ARFGAP2: variants seen among roughly 807,000 people sequenced by gnomAD.
ARFGAP2 encodes the protein ADP-ribosylation factor GTPase-activating protein 2.
Under a neutral mutation model 71.9 loss-of-function variants are expected in ARFGAP2, and 45 were observed. That is an observed-to-expected ratio of 0.63 (90% confidence interval 0.49 to 0.80). The LOEUF (loss-of-function observed/expected upper bound fraction) is 0.80. Among genes scored for constraint, ARFGAP2 ranks in the 30% least tolerant of loss-of-function variants. The pLI, the probability that ARFGAP2 is intolerant of heterozygous loss-of-function variation, is 0.00. For missense variants in ARFGAP2, 633 were observed against 673.9 expected (o/e 0.94, Z 0.67); for synonymous variants, 248 against 249.2 (o/e 1.00, Z 0.05).
chr11:47,172,209 G>A, intron 8 of ARFGAP2, 72 bp downstream of exon 8: 2 of 1,465,714 alleles, frequency 1.4e-6, no homozygotes, highest in Admixed American at 1.7e-5. Context: ...TAAGTGGTAA[G>A]GTCAAGGAGT....
chr11:47,173,005 T>A, intron 7 of ARFGAP2: 1 of 354,838 alleles, frequency 2.8e-6, no homozygotes, highest in Non-Finnish European at 5.5e-6. Flanking sequence ...AGGAAAGAGT[T>A]AAAGGACAGG....
rs779643092 is a variant in ARFGAP2, at chr11:47,175,267, G to A, written c.311C>T (p.Thr104Ile). The A allele has an allele frequency of 9.3e-6, 15 of 1,614,120 alleles. No individual in the cohort carries two copies. The highest frequency in any genetic ancestry group is 3.3e-5 in the Admixed American group (2 of 60,014). ...CTGGGCAGCTCGGCTATTATATTTG[G>A]TGTTGGCATCATTGGCTGTGCATCC... ...QHGCTANDANTKYNSRAAQMY... is the reference protein window; with the variant it reads ...QHGCTANDANIKYNSRAAQMY... The change falls in exon 4 of 16, where the codon ACC (threonine) becomes ATC (isoleucine). Residue 104 changes from threonine (T) to isoleucine (I), a missense_variant. Transcript: ENST00000524782.
Position 47,166,378 on chromosome 11 carries a change from A to AT in ARFGAP2, c.1434dup (p.Ser479IlefsTer15), listed in dbSNP as rs1713100309. On this transcript the variant is annotated frameshift_variant, in exon 15 of 16. Coordinates refer to ENST00000524782, the MANE Select transcript of ARFGAP2 (RefSeq NM_032389.6). LOFTEE classifies it high-confidence loss of function. ...GCTGTAGGCAGCACGTTCCCCAGAG[A>AT]TACACTTCCTGTAAAACAAGAGCAG... 2 of 1,614,030 alleles carry AT rather than the reference A, an allele frequency of 1.2e-6. No individual in the cohort carries two copies. Among genetic ancestry groups the AT allele is most frequent in the Non-Finnish European group, 8.5e-7 (1 of 1,179,924 alleles).
At chr11:47,175,487 C>A in intron 3 of ARFGAP2, 174 bp from the exon 4 acceptor site, 1 of 1,016,468 alleles carries the variant, frequency 9.8e-7, no homozygotes, top group Non-Finnish European at 1.5e-6. Flanking sequence ...GCAAAAAACA[C>A]CTTGCAGCGG....
Position 47,171,484 on chromosome 11 carries a change from G to T in ARFGAP2, c.883C>A (p.Leu295Met), listed in dbSNP as rs913530036. 6.2e-7 allele frequency: 1 copy of T among 1,614,080 alleles called. No homozygotes were observed. Among genetic ancestry groups the T allele is most frequent in the Non-Finnish European group, 8.5e-7 (1 of 1,180,052 alleles). ...GCCTGCTCTCGCTTCTTCCCTTCCAGATTCTGTAGCTTCTTTTCCTCTTTC... is the reference window on the plus strand; with the variant it reads ...GCCTGCTCTCGCTTCTTCCCTTCCATATTCTGTAGCTTCTTTTCCTCTTTC... ...RKKEEKKLQN[L>M]EGKKREQAER... The change falls in exon 10 of 16, where the codon CTG becomes ATG. Residue 295 changes from leucine (L) to methionine (M), a missense_variant. Physicochemically the swap from Leu to Met is conservative, Grantham distance 15. Coordinates refer to ENST00000524782, the MANE Select transcript of ARFGAP2 (RefSeq NM_032389.6).
At chr11:47,175,523 C>T in intron 3 of ARFGAP2, 2 of 749,016 alleles carry the variant, frequency 2.7e-6, no homozygotes, top group Non-Finnish European at 4.4e-6. Flanking sequence ...GACTGAAGTC[C>T]AGGCCCCACT....
intron 5 of ARFGAP2, among the ~76,000 whole-genome samples, chr11:47,174,130 A>G (rs1157480112): frequency 1.3e-5 from 2 of 152,192 alleles, no homozygotes; most frequent in African/African-American, 2.4e-5. Context: ...AAGGCTCCTC[A>G]TATATGAATA....
At chr11:47,176,697 C>A (rs1565134603) in intron 1 of ARFGAP2, 63 bp from the exon 2 acceptor site, 6 of 1,611,392 alleles carry the variant, frequency 3.7e-6, no homozygotes, top group Non-Finnish European at 5.1e-6. Context: ...GCACCGACAC[C>A]CCAGAAACAT....
In ARFGAP2 at chr11:47,167,561, G is replaced by A. The variant is rs968070310; in HGVS notation, c.1205+348C>T. Among the ~76,000 whole-genome samples the A allele has an allele frequency of 7.9e-5, 12 of 152,074 alleles. No homozygotes were observed. The South Asian group carries it at 8.3e-4, about 11-fold the overall frequency. On this transcript the variant is annotated intron_variant, in intron 12 of 15. Transcript: ENST00000524782. ...CTGAAGCATACAATCAGGCTCCTCC[G>A]GCCAGAGAAATGGACCCCAAGCAAA...
chr11:47,176,180 C>G, intron 2 of ARFGAP2: 1 of 592,276 alleles, frequency 1.7e-6, no homozygotes, highest in South Asian at 2.0e-5. Flanking sequence ...TGGCTTTCCC[C>G]TAATGGATGG....
chr11:47,168,160 A>T lies in ARFGAP2; in HGVS notation c.1033T>A (p.Phe345Ile). The change falls in exon 11 of 16, where the codon TTT becomes ATT. Residue 345 changes from phenylalanine (F) to isoleucine (I), a missense_variant. Phe to Ile is a conservative substitution (Grantham distance 21). Transcript: ENST00000524782. ...GAGGCGAAAGTACCAACATCGTCAA[A>T]CAAGTCCAGCTGCGAGCGAGAGGAT... ...AKSSRSQLDLFDDVGTFASGP... is the reference protein window; with the variant it reads ...AKSSRSQLDLIDDVGTFASGP... 1 of 1,614,258 alleles carries T rather than the reference A, an allele frequency of 6.2e-7. No individual in the cohort carries two copies. Among genetic ancestry groups the T allele is most frequent in the Non-Finnish European group, 8.5e-7 (1 of 1,180,052 alleles).
Position 47,165,375 on chromosome 11 carries a change from G to T in ARFGAP2, c.*107C>A. The T allele has an allele frequency of 7.0e-7, 1 of 1,427,588 alleles. No homozygotes were observed. Among genetic ancestry groups the T allele is most frequent in the Non-Finnish European group, 9.5e-7 (1 of 1,056,048 alleles). 88.4% of individuals were successfully genotyped at this position (1,427,588 alleles called of 1,614,324 possible). ...CACCCCACACACACACCACACATAC[G>T]AAGTAACAAATCCTCCCCAGCTTCC... On this transcript the variant is annotated 3_prime_UTR_variant, in exon 16 of 16. Coordinates refer to ENST00000524782, the MANE Select transcript of ARFGAP2 (RefSeq NM_032389.6).
At chr11:47,173,985 T>TGAATAGCAACTG in intron 5 of ARFGAP2, 145 bp from the exon 6 acceptor site, 1 of 1,459,842 alleles carries the variant, frequency 6.9e-7, no homozygotes, top group Non-Finnish European at 9.2e-7. Context: ...AAGATCACAG[T>TGAATAGCAACTG]TGCTATTCAC....
At chr11:47,172,930 C>G (rs896888811) in intron 7 of ARFGAP2, among the ~76,000 whole-genome samples, 2 of 152,228 alleles carry the variant, frequency 1.3e-5, no homozygotes, top group African/African-American at 4.8e-5. Flanking sequence ...GTCAACAGAA[C>G]AAACCGAGGT....
intron 10 of ARFGAP2, 167 bp from the exon 11 acceptor site, chr11:47,168,418 T>C: frequency 1.2e-6 from 1 of 835,920 alleles, no homozygotes; most frequent in South Asian, 1.8e-5. Flanking sequence ...AGGCTAGCTG[T>C]GTGTGGTGAC....
At chr11:47,166,123 C>T (rs1952363941) in intron 15 of ARFGAP2, 145 bp downstream of exon 15, 5 of 778,172 alleles carry the variant, frequency 6.4e-6, no homozygotes, top group Non-Finnish European at 1.1e-5. Context: ...CTCAGCCTCC[C>T]AGTGCTGGGA....
Position 47,175,962 on chromosome 11 carries a change from C to T in ARFGAP2, c.192-39G>A, listed in dbSNP as rs144287009. 259 of 1,608,144 alleles carry T rather than the reference C, an allele frequency of 1.6e-4. 1 individual carries two copies. The African/African-American group carries it at 3.0e-3, about 19-fold the overall frequency. On this transcript the variant is annotated intron_variant, in intron 2 of 15. Transcript: ENST00000524782. ...CTGCGTCTCACCCACTAGCAGATAC[C>T]AGCAGGATTTCCCTGGCAACCCGGA...
At chr11:47,175,791 C>A in intron 3 of ARFGAP2, 60 bp downstream of exon 3, 1 of 1,590,788 alleles carries the variant, frequency 6.3e-7, no homozygotes, top group South Asian at 1.1e-5. Context: ...CTTAGGGAGT[C>A]GTGCAAAGTT....
At chr11:47,172,098 C>T in intron 8 of ARFGAP2, 183 bp downstream of exon 8, 1 of 760,898 alleles carries the variant, frequency 1.3e-6, no homozygotes, top group Non-Finnish European at 2.2e-6. Context: ...CTCCTCCCAG[C>T]AGCCCTTGAA....
Sources: allele counts gnomAD v4.1 joint callset (sites outside exome capture counted in the v4.1 genomes callset), GRCh38; gene constraint gnomAD v4.1.1; transcripts MANE v1.5; gene names NCBI Gene and HGNC (gene_info 2026-07-23, HGNC 2026-07-21).